The following AKAP6 variants were observed in gnomAD, a reference collection of about 807,000 sequenced individuals.
AKAP6 encodes the protein A-kinase anchor protein 6.
AKAP6 carries 58 observed loss-of-function variants against 188.5 expected under a neutral mutation model. The observed-to-expected ratio is 0.31, with a 90% CI of 0.25 to 0.38. The LOEUF (loss-of-function observed/expected upper bound fraction) is 0.38, where lower values mean the gene tolerates loss of function less well. Among genes scored for constraint, AKAP6 ranks in the 10% least tolerant of loss-of-function variants. The pLI, the probability that AKAP6 is intolerant of heterozygous loss-of-function variation, is 1.00. For synonymous variants in AKAP6, 989 were observed against 998.6 expected (o/e 0.99, Z 0.18); for missense variants, 2,710 against 2,740.0 (o/e 0.99, Z 0.24).
intron 2 of AKAP6, among the ~76,000 whole-genome samples, chr14:32,530,929 C>A (rs1010064289): frequency 6.6e-6 from 1 of 152,166 alleles, no homozygotes; most frequent in African/African-American, 2.4e-5. Context: ...ACGGACTCAG[C>A]CAACTAGAGT....
At chr14:32,819,151 C>T (rs1434413906) in intron 12 of AKAP6, among the ~76,000 whole-genome samples, 1 of 152,172 alleles carries the variant, frequency 6.6e-6, no homozygotes, top group African/African-American at 2.4e-5. Flanking sequence ...ACTAGATTAA[C>T]TGCTGTAACA....
rs1417493985 is a variant in AKAP6 at position 32,453,598 on chromosome 14, T to C, written c.324+19781T>C. On this transcript the variant is annotated intron_variant, in intron 2 of 13. Coordinates refer to ENST00000280979, the MANE Select transcript of AKAP6 (RefSeq NM_004274.5). ...TTCTTTTTTTTTTTTTTTTTTTTTT[T>C]TTTTTTTTTTTTTTTTGAGACGGAG... 1.7e-3 allele frequency among the ~76,000 whole-genome samples: 56 copies of C among 33,798 alleles called. 4 individuals carry two copies. The highest frequency in any genetic ancestry group is 0.017 in the Middle Eastern group (1 of 60). 22.2% of individuals were successfully genotyped at this position (33,798 alleles called of 152,430 possible). A position where few individuals can be genotyped will look rare whatever the true frequency, so the allele number is the denominator to read the frequency against.
rs922372430 is a variant in AKAP6 at position 32,633,427 on chromosome 14, C to T, written c.2730+32635C>T. Among the ~76,000 whole-genome samples the T allele has an allele frequency of 3.9e-5, 6 of 152,038 alleles. No individual in the cohort carries two copies. In the South Asian group the frequency reaches 1.0e-3, roughly 26 times the overall value. ...CATTGTTGTTCCCATGATTCACTCC[C>T]CTTTTCTGTAAGAGGATTATACACC... On this transcript the variant is annotated intron_variant, in intron 7 of 13. Coordinates refer to ENST00000280979, the MANE Select transcript of AKAP6 (RefSeq NM_004274.5).
At chr14:32,728,137 C>CGAA (rs1035607620) in intron 9 of AKAP6, among the ~76,000 whole-genome samples, 1 of 148,812 alleles carries the variant, frequency 6.7e-6, no homozygotes, top group Non-Finnish European at 1.5e-5. Context: ...CATGAAGCCT[C>CGAA]GAATGAGGAG....
chr14:32,708,663 A>G (rs143075352), intron 9 of AKAP6, among the ~76,000 whole-genome samples: 18 of 152,132 alleles, frequency 1.2e-4, no homozygotes, highest in Middle Eastern at 3.4e-3. Flanking sequence ...TTAATTGTGA[A>G]CTTTAATGAT....
intron 1 of AKAP6, among the ~76,000 whole-genome samples, chr14:32,425,426 CA>C (rs775958990): frequency 6.6e-6 from 1 of 151,944 alleles, no homozygotes; most frequent in Non-Finnish European, 1.5e-5. Flanking sequence ...CCTGTCTCTC[CA>C]AAAATCACAA....
chr14:32,556,827 C>T (rs1164737289), intron 4 of AKAP6, among the ~76,000 whole-genome samples: 5 of 151,972 alleles, frequency 3.3e-5, no homozygotes, highest in African/African-American at 1.2e-4. Flanking sequence ...AATTCACTGC[C>T]AAGCCCAACA....
chr14:32,810,357 A>T (rs1245581992), intron 12 of AKAP6, among the ~76,000 whole-genome samples: 1 of 152,020 alleles, frequency 6.6e-6, no homozygotes. Context: ...TTTGGGTTAC[A>T]GTTTGAATTA....
At chr14:32,569,476 A>G (rs957903489) in intron 4 of AKAP6, among the ~76,000 whole-genome samples, 1 of 152,206 alleles carries the variant, frequency 6.6e-6, no homozygotes, top group Non-Finnish European at 1.5e-5. Context: ...TAAGTTAGGT[A>G]GTAGAGTCCA....
At chr14:32,567,869 G>A (rs1189307327) in intron 4 of AKAP6, among the ~76,000 whole-genome samples, 4 of 152,094 alleles carry the variant, frequency 2.6e-5, no homozygotes, top group Admixed American at 2.6e-4. Context: ...TAAAGTGATT[G>A]ATTAGCCCTA....
rs757225116 is a variant in AKAP6, at chr14:32,519,521, C to CA, written c.325-16024dup. Among the ~76,000 whole-genome samples, 696 of 149,150 alleles carry CA rather than the reference C, an allele frequency of 4.7e-3. 6 individuals carry two copies. The highest frequency in any genetic ancestry group is 0.015 in the African/African-American group (595 of 40,610). On this transcript the variant is annotated intron_variant, in intron 2 of 13. Coordinates refer to ENST00000280979, the MANE Select transcript of AKAP6 (RefSeq NM_004274.5). Reference sequence around the variant, plus strand: ...GAAGACCTACCAAGCAAATGGAAAACAAAAAAAAAGCAGGGGTTGCAATCT... The same window carrying CA: ...GAAGACCTACCAAGCAAATGGAAAACAAAAAAAAAAGCAGGGGTTGCAATCT...
chr14:32,739,598 C>T (rs1566678392), intron 11 of AKAP6, among the ~76,000 whole-genome samples: 1 of 151,976 alleles, frequency 6.6e-6, no homozygotes, highest in Non-Finnish European at 1.5e-5. Context: ...TTTTAGAGGC[C>T]ACAAATAAGT....
At position 32,719,955 on chromosome 14, in the gene AKAP6, T is replaced by G. The variant is rs912595680; in HGVS notation, c.3001-12499T>G. Among the ~76,000 whole-genome samples, 31 of 152,096 alleles carry G rather than the reference T, an allele frequency of 2.0e-4. 1 individual carries two copies. The highest frequency in any genetic ancestry group is 2.0e-3 in the Admixed American group (30 of 15,270). On this transcript the variant is annotated intron_variant, in intron 9 of 13. Transcript: ENST00000280979. The stretch of plus-strand genomic sequence containing the variant: ...ACTTGGTGCCTCCTAATGCTAAAAA[T>G]AAATCTATATTTGAAATGGCTGCTG...
intron 11 of AKAP6, among the ~76,000 whole-genome samples, chr14:32,755,296 G>A: frequency 6.6e-6 from 1 of 150,572 alleles, no homozygotes; most frequent in South Asian, 2.1e-4. Context: ...AGCTCTTTAT[G>A]GAATTTTTTG....
At chr14:32,594,919 C>T (rs146260765) in intron 5 of AKAP6, among the ~76,000 whole-genome samples, 1 of 152,230 alleles carries the variant, frequency 6.6e-6, no homozygotes, top group African/African-American at 2.4e-5. Context: ...TTGGAGACTC[C>T]TGACTAATAA....
intron 1 of AKAP6, among the ~76,000 whole-genome samples, chr14:32,342,639 G>A (rs2138417746): frequency 6.6e-6 from 1 of 152,264 alleles, no homozygotes; most frequent in Admixed American, 6.5e-5. Context: ...TAAAGCCCAT[G>A]TCTAGGACAG....
At chr14:32,707,637 A>T (rs1394242590) in intron 9 of AKAP6, among the ~76,000 whole-genome samples, 1 of 152,136 alleles carries the variant, frequency 6.6e-6, no homozygotes, top group Admixed American at 6.6e-5. Context: ...TGCCTGGCAC[A>T]TAATAGAAAC....
intron 12 of AKAP6, among the ~76,000 whole-genome samples, chr14:32,804,696 C>A (rs955155945): frequency 6.6e-6 from 1 of 152,046 alleles, no homozygotes; most frequent in Non-Finnish European, 1.5e-5. Context: ...TTTTCCCCAC[C>A]CTAATAAGCC....
At chr14:32,385,563 C>G (rs1888506183) in intron 1 of AKAP6, among the ~76,000 whole-genome samples, 1 of 151,618 alleles carries the variant, frequency 6.6e-6, no homozygotes, top group African/African-American at 2.4e-5. Context: ...CACCCCCTTC[C>G]CACCCTTTCC....
Sources: allele counts gnomAD v4.1 joint callset (sites outside exome capture counted in the v4.1 genomes callset), GRCh38; gene constraint gnomAD v4.1.1; transcripts MANE v1.5; gene names NCBI Gene and HGNC (gene_info 2026-07-23, HGNC 2026-07-21).